The following CCDC192 variants were observed in gnomAD, a reference collection of about 807,000 sequenced individuals.
CCDC192 encodes coiled-coil domain-containing protein 192.
At chr5:127,759,675 T>C (rs1341267362) in intron 3 of CCDC192, among the ~76,000 whole-genome samples, 3 of 152,226 alleles carry the variant, frequency 2.0e-5, no homozygotes, top group Admixed American at 6.5e-5. Flanking sequence ...CCAGTGGTCA[T>C]AGCAGAACTG....
At chr5:127,784,368 A>T (rs948504310) in intron 3 of CCDC192, among the ~76,000 whole-genome samples, 2 of 152,112 alleles carry the variant, frequency 1.3e-5, no homozygotes, top group Non-Finnish European at 2.9e-5. Context: ...TCAGTGTGGG[A>T]GGTTCGGTCT....
At chr5:127,855,444 T>C (rs1202467388) in intron 5 of CCDC192, among the ~76,000 whole-genome samples, 1 of 152,202 alleles carries the variant, frequency 6.6e-6, no homozygotes, top group Non-Finnish European at 1.5e-5. Context: ...AGTTACTTCC[T>C]CTGTTGGAGT....
intron 5 of CCDC192, among the ~76,000 whole-genome samples, chr5:127,866,514 A>T (rs1254549230): frequency 6.7e-6 from 1 of 149,834 alleles, no homozygotes; most frequent in Non-Finnish European, 1.5e-5. Context: ...GAACTGACTC[A>T]TTTAATTGCA....
chr5:127,761,212 A>G (rs1186660535), intron 3 of CCDC192, among the ~76,000 whole-genome samples: 1 of 152,150 alleles, frequency 6.6e-6, no homozygotes, highest in African/African-American at 2.4e-5. Context: ...GTTGGTCAGC[A>G]CTCATTTGTT....
At chr5:127,725,959 T>C (rs979443135) in intron 2 of CCDC192, among the ~76,000 whole-genome samples, 2 of 152,140 alleles carry the variant, frequency 1.3e-5, no homozygotes, top group Non-Finnish European at 2.9e-5. Context: ...TAGGTTCCAT[T>C]ATTTTTTGTT....
chr5:127,841,797 T>C (rs1750302449), intron 5 of CCDC192, among the ~76,000 whole-genome samples: 2 of 148,506 alleles, frequency 1.3e-5, no homozygotes, highest in Non-Finnish European at 1.5e-5. Context: ...GAGTGATCAG[T>C]AAGCATGCCT....
chr5:127,795,871 C>A (rs576965351), intron 3 of CCDC192, among the ~76,000 whole-genome samples: 1 of 152,164 alleles, frequency 6.6e-6, no homozygotes, highest in Non-Finnish European at 1.5e-5. Flanking sequence ...AGCCAGACTG[C>A]AATCCCAAAC....
intron 2 of CCDC192, among the ~76,000 whole-genome samples, chr5:127,733,931 A>AT (rs1554069665): frequency 0.021 from 2,990 of 143,268 alleles, 55 homozygotes; most frequent in African/African-American, 0.052. Flanking sequence ...ATATATATAT[A>AT]TTTTTTTATT....
At chr5:127,808,526 G>A (rs943182375) in intron 5 of CCDC192, among the ~76,000 whole-genome samples, 7 of 151,958 alleles carry the variant, frequency 4.6e-5, no homozygotes, top group Admixed American at 1.3e-4. Flanking sequence ...ATACTCTCCC[G>A]CTACCTTCTA....
intron 5 of CCDC192, among the ~76,000 whole-genome samples, chr5:127,845,230 T>C (rs1350769085): frequency 6.6e-6 from 1 of 152,146 alleles, no homozygotes; most frequent in East Asian, 1.9e-4. Context: ...ACTGGAGCTG[T>C]CTGGAGGAGA....
intron 5 of CCDC192, among the ~76,000 whole-genome samples, chr5:127,860,781 A>G (rs771089698): frequency 6.6e-6 from 1 of 152,198 alleles, no homozygotes. Context: ...CAGATAACAC[A>G]TCAAGATTCC....
chr5:127,892,227 A>G lies in CCDC192; in HGVS notation c.535+16566A>G, dbSNP rs950879665. On this transcript the variant is annotated intron_variant, in intron 6 of 6. Coordinates refer to ENST00000514853, the MANE Select transcript of CCDC192 (RefSeq NM_001317938.2). ...TCTGATGCTATCATATACTTGGAGC[A>G]GTGGAGAAAGCCCTAAAATTAGAGA... 5.3e-5 allele frequency among the ~76,000 whole-genome samples: 8 copies of G among 152,356 alleles called. No homozygotes were observed. The East Asian group carries it at 1.5e-3, about 29-fold the overall frequency.
At chr5:127,820,320 G>A (rs1449096364) in intron 5 of CCDC192, among the ~76,000 whole-genome samples, 5 of 152,232 alleles carry the variant, frequency 3.3e-5, no homozygotes, top group Non-Finnish European at 4.4e-5. Context: ...GGTGGCTCAC[G>A]CCTGTAATCC....
At chr5:127,927,420 CG>C (rs1441447482) in intron 6 of CCDC192, among the ~76,000 whole-genome samples, 1 of 151,934 alleles carries the variant, frequency 6.6e-6, no homozygotes, top group Non-Finnish European at 1.5e-5. Flanking sequence ...CAGGCATCCA[CG>C]GGGGGTCTTG....
At chr5:127,843,324 C>T (rs1313570231) in intron 5 of CCDC192, among the ~76,000 whole-genome samples, 2 of 152,008 alleles carry the variant, frequency 1.3e-5, no homozygotes, top group African/African-American at 4.8e-5. Flanking sequence ...AGGCGTGAGC[C>T]ATCGCAGCCA....
chr5:127,903,362 C>A (rs1486276367), intron 6 of CCDC192, among the ~76,000 whole-genome samples: 1 of 152,020 alleles, frequency 6.6e-6, no homozygotes, highest in Non-Finnish European at 1.5e-5. Flanking sequence ...CCTGCCTCAG[C>A]CTCCTGAGTA....
chr5:127,918,482 C>A (rs1026778878), intron 6 of CCDC192, among the ~76,000 whole-genome samples: 11 of 152,004 alleles, frequency 7.2e-5, no homozygotes, highest in African/African-American at 2.4e-4. Context: ...TGTTTTATCC[C>A]CAAGGCCTAA....
Sources: allele counts gnomAD v4.1 joint callset (sites outside exome capture counted in the v4.1 genomes callset), GRCh38; gene constraint gnomAD v4.1.1; transcripts MANE v1.5; gene names NCBI Gene and HGNC (gene_info 2026-07-23, HGNC 2026-07-21).